The following DOT1L variants were observed in gnomAD, a reference collection of about 807,000 sequenced individuals.
DOT1L encodes the protein DOT1 like histone lysine methyltransferase, also known as histone-lysine N-methyltransferase, H3 lysine-79 specific.
DOT1L carries 33 observed loss-of-function variants against 153.3 expected under a neutral mutation model. The observed-to-expected ratio is 0.22, with a 90% CI of 0.16 to 0.29. The LOEUF is 0.29. Ranked by LOEUF, DOT1L falls within the 10% of genes least tolerant of loss-of-function variation. The pLI is 1.00. For missense variants in DOT1L, 1,847 were observed against 2,119.9 expected (o/e 0.87, Z 2.53); for synonymous variants, 1,135 against 965.1 (o/e 1.18, Z -3.26).
In DOT1L at chr19:2,230,501, G is replaced by T. The variant is rs1314407800; in HGVS notation, c.*709G>T. ...ATGTGCTGCGCGATGGTGCTGTGAG[G>T]ACGGCGCGGGCACGTTGAACAAGTG... On this transcript the variant is annotated 3_prime_UTR_variant, in exon 28 of 28. Transcript: ENST00000398665. 3 of 398,926 alleles carry T rather than the reference G, an allele frequency of 7.5e-6. No homozygotes were observed. In the East Asian group the frequency reaches 1.1e-4, roughly 14 times the overall value. The allele number at this position is 398,926 out of a possible 1,614,324, so 24.7% of individuals were successfully genotyped here.
chr19:2,202,655 G>T (rs765326663), intron 8 of DOT1L, 45 bp from the exon 9 acceptor site: 5 of 1,591,988 alleles, frequency 3.1e-6, no homozygotes, highest in Non-Finnish European at 4.3e-6. Context: ...GGCTGTGCCC[G>T]TGAGACGAGC....
Position 2,190,093 on chromosome 19 carries a change from C to T in DOT1L, c.264+298C>T, listed in dbSNP as rs1375015725. Reference sequence around the variant, plus strand: ...CAGCCCTGGGTTGGTGTCCGCAGGTCCCAGCAGAGGCGGGGTCCCTGTCCT... The same window carrying T: ...CAGCCCTGGGTTGGTGTCCGCAGGTTCCAGCAGAGGCGGGGTCCCTGTCCT... On this transcript the variant is annotated intron_variant, in intron 4 of 27. Transcript: ENST00000398665. This position sits in a 1 kb window ranked among gnomAD's most constrained non-coding sequence, Gnocchi z 4.8. Among the ~76,000 whole-genome samples the T allele has an allele frequency of 6.6e-5, 10 of 152,130 alleles. No homozygotes were observed. Among genetic ancestry groups the T allele is most frequent in the Admixed American group, 1.3e-4 (2 of 15,282 alleles).
chr19:2,203,024 C>T (rs916048735), intron 9 of DOT1L, among the ~76,000 whole-genome samples: 14 of 152,228 alleles, frequency 9.2e-5, no homozygotes, highest in African/African-American at 2.7e-4. Context: ...CGGGTTCAAG[C>T]GATTCTTCTG....
At chr19:2,187,896 T>C (rs1278822619) in intron 3 of DOT1L, among the ~76,000 whole-genome samples, 12 of 136,242 alleles carry the variant, frequency 8.8e-5, no homozygotes, top group Admixed American at 1.6e-4. Flanking sequence ...CACTCCAGCC[T>C]GGGTGACAGA....
At chr19:2,227,287 C>T in intron 27 of DOT1L, 160 bp downstream of exon 27, 1 of 935,150 alleles carries the variant, frequency 1.1e-6, no homozygotes, top group Non-Finnish European at 1.7e-6. Context: ...GAACTCCAGT[C>T]CTGTGGGGAG....
intron 18 of DOT1L, 66 bp from the exon 19 acceptor site, chr19:2,214,405 T>G: frequency 6.3e-7 from 1 of 1,583,320 alleles, no homozygotes; most frequent in South Asian, 1.1e-5. Context: ...AACCCTGCCC[T>G]GAGAGTGTGG....
chr19:2,215,815 C>A (rs569427380), intron 19 of DOT1L: 84 of 154,132 alleles, frequency 5.4e-4, no homozygotes, highest in Non-Finnish European at 1.1e-3. Context: ...CCATTTTTGT[C>A]ATCATCTTTT....
chr19:2,217,759 C>A lies in DOT1L; in HGVS notation c.2545-13C>A, dbSNP rs372863772. On this transcript the variant is annotated splice_polypyrimidine_tract_variant and intron_variant, in intron 21 of 27. Coordinates refer to ENST00000398665, the MANE Select transcript of DOT1L (RefSeq NM_032482.3). The surrounding 1 kb of genome is among the most constrained non-coding windows in gnomAD (Gnocchi z 7.3). ...TGTTGACCCACGACTGGGGGTCGGGCCTTCGTCTGCAGGGCCTGAGAGAGC... is the reference window on the plus strand; with the variant it reads ...TGTTGACCCACGACTGGGGGTCGGGACTTCGTCTGCAGGGCCTGAGAGAGC... 10 of 1,594,370 alleles carry A rather than the reference C, an allele frequency of 6.3e-6. No individual in the cohort carries two copies. The highest frequency in any genetic ancestry group is 7.7e-6 in the Non-Finnish European group (9 of 1,171,692).
In DOT1L at chr19:2,207,100, T is replaced by A; in HGVS notation, c.856+303T>A. Among the ~76,000 whole-genome samples, 1 of 152,186 alleles carries A rather than the reference T, an allele frequency of 6.6e-6. No individual in the cohort carries two copies. The highest frequency in any genetic ancestry group is 1.9e-4 in the East Asian group (1 of 5,184). The stretch of plus-strand genomic sequence containing the variant: ...GGGAGGCGTGAAGGATTTACAGGAC[T>A]TTTGTGGACAGAGACAGGCCCACGG... On this transcript the variant is annotated intron_variant, in intron 10 of 27. Transcript: ENST00000398665. The surrounding 1 kb of genome is among the most constrained non-coding windows in gnomAD (Gnocchi z 4.5).
chr19:2,170,548 C>T (rs577536712), intron 1 of DOT1L, among the ~76,000 whole-genome samples: 1 of 152,150 alleles, frequency 6.6e-6, no homozygotes, highest in African/African-American at 2.4e-5. Flanking sequence ...ATTCAACTCA[C>T]TTCCAGCATG....
At position 2,230,966 on chromosome 19, in the gene DOT1L, T is replaced by A; in HGVS notation, c.*1174T>A. ...GTGTGCTGGGGCCAGGGTGCACTGC[T>A]GAAACCTGGCCTCTCTGGCCCTAGG... On this transcript the variant is annotated 3_prime_UTR_variant, in exon 28 of 28. Transcript: ENST00000398665. 2 of 251,946 alleles carry A rather than the reference T, an allele frequency of 7.9e-6. No homozygotes were observed. Among genetic ancestry groups the A allele is most frequent in the Non-Finnish European group, 1.5e-5 (2 of 131,642 alleles). The allele number at this position is 251,946 out of a possible 1,614,324, so 15.6% of individuals were successfully genotyped here. A position where few individuals can be genotyped will look rare whatever the true frequency, so the allele number is the denominator to read the frequency against.
At chr19:2,176,030 C>T (rs1409935270) in intron 1 of DOT1L, among the ~76,000 whole-genome samples, 1 of 152,158 alleles carries the variant, frequency 6.6e-6, no homozygotes, top group African/African-American at 2.4e-5. Flanking sequence ...CTCTGCCTGT[C>T]CCCTGGGCTC....
chr19:2,195,104 G>A lies in DOT1L; in HGVS notation c.651+527G>A, dbSNP rs74742811. 2.9e-3 allele frequency among the ~76,000 whole-genome samples: 438 copies of A among 152,184 alleles called. 20 individuals are homozygous for A. The East Asian group carries it at 0.077, about 27-fold the overall frequency. ...GTGTGGCCCTCCCTGTAGGGTGTGC[G>A]CTCCCCTTTCAGTGGCTGAGTGGCA... is the stretch of plus-strand genomic sequence containing the variant. On this transcript the variant is annotated intron_variant, in intron 7 of 27. Coordinates refer to ENST00000398665, the MANE Select transcript of DOT1L (RefSeq NM_032482.3).
intron 14 of DOT1L, 32 bp from the exon 15 acceptor site, chr19:2,211,067 C>T (rs775720050): frequency 6.2e-7 from 1 of 1,601,416 alleles, no homozygotes; most frequent in Admixed American, 1.7e-5. Flanking sequence ...CCCGACCCGC[C>T]CTGTGCTGAC....
chr19:2,205,520 C>T (rs1029630125), intron 9 of DOT1L, among the ~76,000 whole-genome samples: 18 of 152,164 alleles, frequency 1.2e-4, no homozygotes, highest in African/African-American at 3.1e-4. Flanking sequence ...GGTGTCCATC[C>T]GGTCTGTTTG....
intron 1 of DOT1L, 42 bp from the exon 2 acceptor site, chr19:2,180,671 T>C (rs776762667): frequency 5.6e-6 from 9 of 1,611,824 alleles, no homozygotes; most frequent in Non-Finnish European, 7.6e-6. Flanking sequence ...GCTCACGGGG[T>C]GGAGGATGGC....
chr19:2,225,236 C>G lies in DOT1L; in HGVS notation c.3597-152C>G, dbSNP rs557418895. 5.5e-6 allele frequency: 4 copies of G among 721,934 alleles called. No individual in the cohort carries two copies. In the South Asian group the frequency reaches 6.6e-5, roughly 12 times the overall value. The allele number at this position is 721,934 out of a possible 1,614,324, so 44.7% of individuals were successfully genotyped here. A position where few individuals can be genotyped will look rare whatever the true frequency, so the allele number is the denominator to read the frequency against. The stretch of plus-strand genomic sequence containing the variant: ...CAGGGCCCAGCCACCCAGTCCAGGC[C>G]TGGCCCAGGGTGGCTGCACGGGTCC... On this transcript the variant is annotated intron_variant, in intron 25 of 27. Transcript: ENST00000398665.
intron 1 of DOT1L, among the ~76,000 whole-genome samples, chr19:2,167,154 A>G (rs910457931): frequency 1.3e-5 from 2 of 152,132 alleles, no homozygotes; most frequent in African/African-American, 4.8e-5. Context: ...AACCCGCACT[A>G]AACACCACTG....
At chr19:2,206,281 G>T (rs868074493) in intron 9 of DOT1L, among the ~76,000 whole-genome samples, 1 of 152,040 alleles carries the variant, frequency 6.6e-6, no homozygotes, top group South Asian at 2.1e-4. Context: ...CCACTGCACC[G>T]CGCCGAGAAT....
Sources: allele counts gnomAD v4.1 joint callset (sites outside exome capture counted in the v4.1 genomes callset), GRCh38; gene constraint gnomAD v4.1.1; non-coding constraint Gnocchi (gnomAD v3.1); transcripts MANE v1.5; gene names NCBI Gene and HGNC (gene_info 2026-07-23, HGNC 2026-07-21).